Variants in ERMP1 observed in about 807,000 individuals in gnomAD.
ERMP1 encodes the protein Felix-ina.
In ERMP1, 86 loss-of-function variants were observed where a neutral mutation model predicts 92.0. The ratio of observed to expected loss-of-function variants is 0.93; its 90% CI spans 0.79 to 1.12. The LOEUF (loss-of-function observed/expected upper bound fraction) is 1.12, where lower values mean the gene tolerates loss of function less well. Among genes scored for constraint, ERMP1 ranks in the 50% most tolerant of loss-of-function variants. The pLI, the probability that ERMP1 is intolerant of heterozygous loss-of-function variation, is 0.00. For synonymous variants in ERMP1, 530 were observed against 412.8 expected (o/e 1.28, Z -3.44); for missense variants, 1,342 against 1,116.3 (o/e 1.20, Z -2.88).
intron 2 of ERMP1, among the ~76,000 whole-genome samples, chr9:5,829,412 A>AT (rs1004682448): frequency 6.6e-6 from 1 of 152,200 alleles, no homozygotes; most frequent in Non-Finnish European, 1.5e-5. Context: ...TTTTACTTAC[A>AT]TTTTGTATAA....
intron 6 of ERMP1, among the ~76,000 whole-genome samples, chr9:5,857,080 G>A (rs988390767): frequency 5.3e-5 from 8 of 152,080 alleles, no homozygotes; most frequent in African/African-American, 1.7e-4. Flanking sequence ...GAGTGCAGTG[G>A]CACAATTATA....
intron 3 of ERMP1, among the ~76,000 whole-genome samples, chr9:5,824,829 G>A (rs1428509726): frequency 6.6e-6 from 1 of 152,218 alleles, no homozygotes; most frequent in African/African-American, 2.4e-5. Context: ...CCTGAGGAGA[G>A]TAATTATGCC....
chr9:5,816,402 T>G (rs561474634), intron 4 of ERMP1, among the ~76,000 whole-genome samples: 5 of 152,366 alleles, frequency 3.3e-5, no homozygotes, highest in African/African-American at 1.2e-4. Flanking sequence ...CTCTTTATTC[T>G]GATAATGTAG....
chr9:5,833,257 T>C (rs936817979), upstream of ERMP1: 1 of 473,100 alleles, frequency 2.1e-6, no homozygotes, highest in Admixed American at 4.4e-5. Flanking sequence ...ATATGCCGTC[T>C]CCCGCAGGGC....
intron 13 of ERMP1, among the ~76,000 whole-genome samples, chr9:5,794,178 C>T (rs142414824): frequency 7.6e-4 from 116 of 152,118 alleles, no homozygotes; most frequent in Non-Finnish European, 1.4e-3. Context: ...AAAGAACACA[C>T]TTCTACATAA....
chr9:5,835,350 A>AGAAATGAACGCGCG (rs146674564), upstream of ERMP1, among the ~76,000 whole-genome samples: 1 of 150,354 alleles, frequency 6.7e-6, no homozygotes, highest in Non-Finnish European at 1.5e-5. Context: ...GAGACAATGA[A>AGAAATGAACGCGCG]CGCGCGCGCG....
At position 5,785,291 on chromosome 9, in the gene ERMP1, T is replaced by C. The variant is rs1289850468; in HGVS notation, c.*1853A>G. On this transcript the variant is annotated 3_prime_UTR_variant, in exon 15 of 15. Transcript: ENST00000339450. ...GGGAATTCACAGGGAACACTAATTA[T>C]ATCAGATGAACCACGGGGATAGAAA... 6.6e-6 allele frequency: 1 copy of C among 152,216 alleles called. No homozygotes were observed. The highest frequency in any genetic ancestry group is 2.1e-4 in the South Asian group (1 of 4,822). The allele number at this position is 152,216 out of a possible 1,614,324, so 9.4% of individuals were successfully genotyped here.
intron 6 of ERMP1, among the ~76,000 whole-genome samples, chr9:5,847,576 T>C (rs1451277057): frequency 3.3e-5 from 5 of 151,554 alleles, no homozygotes; most frequent in African/African-American, 1.2e-4. Context: ...ATTTTGTTCC[T>C]TCTCTTAGGA....
chr9:5,839,415 G>A (rs1196024765), intron 6 of ERMP1, among the ~76,000 whole-genome samples: 1 of 152,234 alleles, frequency 6.6e-6, no homozygotes, highest in African/African-American at 2.4e-5. Context: ...CACACACCCA[G>A]GGCTCTGTTT....
At chr9:5,810,790 C>A (rs1370917195) in intron 7 of ERMP1, among the ~76,000 whole-genome samples, 1 of 152,104 alleles carries the variant, frequency 6.6e-6, no homozygotes, top group African/African-American at 2.4e-5. Context: ...CTTCGTGACA[C>A]TGGTCCATAC....
intron 6 of ERMP1, among the ~76,000 whole-genome samples, chr9:5,840,611 G>A (rs1322020110): frequency 6.6e-6 from 1 of 152,240 alleles, no homozygotes; most frequent in Non-Finnish European, 1.5e-5. Flanking sequence ...GCAGTACGAT[G>A]CCGCAGTTCA....
intron 13 of ERMP1, among the ~76,000 whole-genome samples, chr9:5,795,165 T>TG (rs1255720384): frequency 3.3e-5 from 5 of 152,158 alleles, no homozygotes; most frequent in Non-Finnish European, 7.3e-5. Context: ...TATCAATATA[T>TG]GCAGGAAAAG....
At chr9:5,793,366 G>C (rs1408200037) in intron 13 of ERMP1, among the ~76,000 whole-genome samples, 2 of 151,806 alleles carry the variant, frequency 1.3e-5, no homozygotes, top group Non-Finnish European at 2.9e-5. Flanking sequence ...GGCAGAAAAA[G>C]AGTGGAAGAC....
chr9:5,793,786 A>C (rs1828301288), intron 13 of ERMP1, among the ~76,000 whole-genome samples: 1 of 152,172 alleles, frequency 6.6e-6, no homozygotes, highest in African/African-American at 2.4e-5. Context: ...ATAAAGTGTC[A>C]AAATAGTTGG....
chr9:5,842,476 A>G (rs569847548), intron 6 of ERMP1, among the ~76,000 whole-genome samples: 1 of 152,200 alleles, frequency 6.6e-6, no homozygotes, highest in South Asian at 2.1e-4. Flanking sequence ...AGAAAAAAAG[A>G]AAATGTTTTG....
upstream of ERMP1, among the ~76,000 whole-genome samples, chr9:5,833,498 C>A (rs1397952582): frequency 6.6e-6 from 1 of 152,176 alleles, no homozygotes; most frequent in Non-Finnish European, 1.5e-5. Flanking sequence ...GCAGAGGAGG[C>A]CCGGCCTATT....
chr9:5,858,146 T>C (rs147317158), intron 6 of ERMP1, among the ~76,000 whole-genome samples: 50 of 152,314 alleles, frequency 3.3e-4, no homozygotes, highest in African/African-American at 1.2e-3. Context: ...GCAGTGAGCA[T>C]GGCCACAGAA....
intron 4 of ERMP1, among the ~76,000 whole-genome samples, chr9:5,819,932 T>G (rs961627513): frequency 6.6e-6 from 1 of 152,168 alleles, no homozygotes; most frequent in Non-Finnish European, 1.5e-5. Flanking sequence ...TAAAATTGAT[T>G]ATGATGATGA....
At chr9:5,789,778 G>A (rs1363927139) in intron 13 of ERMP1, among the ~76,000 whole-genome samples, 1 of 151,904 alleles carries the variant, frequency 6.6e-6, no homozygotes, top group African/African-American at 2.4e-5. Context: ...TGACTTCCTT[G>A]GCTTGAGCAA....
Sources: allele counts gnomAD v4.1 joint callset (sites outside exome capture counted in the v4.1 genomes callset), GRCh38; gene constraint gnomAD v4.1.1; transcripts MANE v1.5; gene names NCBI Gene and HGNC (gene_info 2026-07-23, HGNC 2026-07-21).